FAM117B: variants seen among roughly 807,000 people sequenced by gnomAD.
FAM117B encodes family with sequence similarity 117 member B.
In FAM117B, 22 loss-of-function variants were observed where a neutral mutation model predicts 52.8. The observed-to-expected ratio is 0.42, with a 90% CI of 0.30 to 0.59. The LOEUF (loss-of-function observed/expected upper bound fraction) is 0.59. Among genes scored for constraint, FAM117B ranks in the 20% least tolerant of loss-of-function variants. FAM117B has a pLI of 0.22. For missense variants in FAM117B, 678 were observed against 802.6 expected (o/e 0.84, Z 1.88); for synonymous variants, 309 against 324.1 (o/e 0.95, Z 0.50).
chr2:202,695,603 C>A (rs1002620606), intron 1 of FAM117B, among the ~76,000 whole-genome samples: 1 of 152,114 alleles, frequency 6.6e-6, no homozygotes, highest in African/African-American at 2.4e-5. Context: ...TATACTTGTT[C>A]TATTTTATTA....
intron 4 of FAM117B, among the ~76,000 whole-genome samples, chr2:202,740,531 C>G (rs556383417): frequency 5.3e-5 from 8 of 152,080 alleles, no homozygotes; most frequent in African/African-American, 1.7e-4. Context: ...GTTTATGGAG[C>G]AAAATTTAGT....
intron 1 of FAM117B, among the ~76,000 whole-genome samples, chr2:202,680,072 G>A (rs924950407): frequency 3.9e-5 from 6 of 152,126 alleles, no homozygotes; most frequent in Non-Finnish European, 8.8e-5. Context: ...TACTGATTGA[G>A]GTTAACAGCA....
At chr2:202,648,954 G>T (rs1031363137) in intron 1 of FAM117B, among the ~76,000 whole-genome samples, 16 of 151,922 alleles carry the variant, frequency 1.1e-4, no homozygotes, top group Non-Finnish European at 1.9e-4. Context: ...GTGTTTCACC[G>T]TGTTGACCAG....
At chr2:202,641,686 C>A (rs1376330788) in intron 1 of FAM117B, among the ~76,000 whole-genome samples, 1 of 148,968 alleles carries the variant, frequency 6.7e-6, no homozygotes, top group Middle Eastern at 3.2e-3. Flanking sequence ...GTTGCCCAGA[C>A]TGGAGTGCAA....
At chr2:202,712,899 C>G (rs1354707296) in intron 2 of FAM117B, among the ~76,000 whole-genome samples, 1 of 152,112 alleles carries the variant, frequency 6.6e-6, no homozygotes, top group East Asian at 1.9e-4. Flanking sequence ...TCCATTTGGT[C>G]ATAATAAATG....
At chr2:202,712,566 C>T (rs1215239029) in intron 2 of FAM117B, among the ~76,000 whole-genome samples, 1 of 151,726 alleles carries the variant, frequency 6.6e-6, no homozygotes, top group African/African-American at 2.4e-5. Context: ...GTTGCTCTGT[C>T]TAGCTCTTCC....
intron 2 of FAM117B, among the ~76,000 whole-genome samples, chr2:202,702,884 A>G (rs1690816458): frequency 6.6e-6 from 1 of 152,192 alleles, no homozygotes; most frequent in Admixed American, 6.5e-5. Flanking sequence ...TAAAATTAAG[A>G]TAGGTATGTT....
chr2:202,636,382 A>G (rs537920818), intron 1 of FAM117B, among the ~76,000 whole-genome samples: 1 of 152,338 alleles, frequency 6.6e-6, no homozygotes, highest in South Asian at 2.1e-4. Flanking sequence ...TTCCTTAGGA[A>G]GGTTTATGGG....
intron 4 of FAM117B, among the ~76,000 whole-genome samples, chr2:202,747,213 G>A (rs1331910519): frequency 6.6e-6 from 1 of 152,154 alleles, no homozygotes; most frequent in Non-Finnish European, 1.5e-5. Flanking sequence ...AAAACCATGT[G>A]ATAAAATTCA....
chr2:202,699,065 A>G (rs1018377990), intron 2 of FAM117B, among the ~76,000 whole-genome samples: 1 of 152,184 alleles, frequency 6.6e-6, no homozygotes, highest in South Asian at 2.1e-4. Flanking sequence ...GAATTAAAAT[A>G]TAAACCCTAT....
chr2:202,687,180 G>A (rs530319340), intron 1 of FAM117B, among the ~76,000 whole-genome samples: 59 of 152,172 alleles, frequency 3.9e-4, no homozygotes, highest in Non-Finnish European at 6.5e-4. Flanking sequence ...CCGAGTGAAT[G>A]AAGTCAGACA....
chr2:202,745,131 T>C (rs1463255103), intron 4 of FAM117B, among the ~76,000 whole-genome samples: 3 of 151,112 alleles, frequency 2.0e-5, no homozygotes, highest in Non-Finnish European at 4.4e-5. Context: ...AATACAAAAA[T>C]TAACTGGGCG....
At chr2:202,662,711 G>A (rs1226207025) in intron 1 of FAM117B, among the ~76,000 whole-genome samples, 1 of 152,010 alleles carries the variant, frequency 6.6e-6, no homozygotes, top group African/African-American at 2.4e-5. Context: ...CATGGTGGTG[G>A]TGCACGCCTG....
At chr2:202,689,391 C>T (rs1300034080) in intron 1 of FAM117B, among the ~76,000 whole-genome samples, 1 of 151,872 alleles carries the variant, frequency 6.6e-6, no homozygotes, top group African/African-American at 2.4e-5. Flanking sequence ...TGCAGTGAGC[C>T]GAGATCATGC....
At chr2:202,691,946 G>T (rs1284517779) in intron 1 of FAM117B, among the ~76,000 whole-genome samples, 1 of 152,160 alleles carries the variant, frequency 6.6e-6, no homozygotes, top group Non-Finnish European at 1.5e-5. Flanking sequence ...TTACGTATTA[G>T]TGAAATAACT....
Position 202,696,832 on chromosome 2 carries a change from G to A in FAM117B, c.753+800G>A, listed in dbSNP as rs150323547. ...TATAGTGCCAGCACTTTGGGAGGCC[G>A]AGATGGGTGGATGGCTTTTGAACCC... On this transcript the variant is annotated intron_variant, in intron 2 of 7. Transcript: ENST00000392238. 8.5e-3 allele frequency among the ~76,000 whole-genome samples: 1,296 copies of A among 152,278 alleles called. 24 individuals carry two copies. Among genetic ancestry groups the A allele is most frequent in the African/African-American group, 0.029 (1,224 of 41,560 alleles).
intron 1 of FAM117B, among the ~76,000 whole-genome samples, chr2:202,640,343 T>TATATATA: frequency 1.6e-5 from 2 of 121,796 alleles, no homozygotes; most frequent in African/African-American, 3.1e-5. Context: ...TATATATATA[T>TATATATA]GGCAAGTCGT....
At chr2:202,742,255 G>T (rs1559113750) in intron 4 of FAM117B, among the ~76,000 whole-genome samples, 1 of 152,158 alleles carries the variant, frequency 6.6e-6, no homozygotes, top group Non-Finnish European at 1.5e-5. Context: ...GCTGTGAAAA[G>T]GAAAAACTAT....
intron 2 of FAM117B, among the ~76,000 whole-genome samples, chr2:202,718,105 G>T (rs778432030): frequency 2.6e-5 from 4 of 152,144 alleles, no homozygotes; most frequent in Non-Finnish European, 4.4e-5. Context: ...CACTGCCAGT[G>T]TTCCCTTAAG....
Sources: allele counts gnomAD v4.1 joint callset (sites outside exome capture counted in the v4.1 genomes callset), GRCh38; gene constraint gnomAD v4.1.1; transcripts MANE v1.5; gene names NCBI Gene and HGNC (gene_info 2026-07-23, HGNC 2026-07-21).